TTC39C: variants seen among roughly 807,000 people sequenced by gnomAD.
The protein encoded by TTC39C is tetratricopeptide repeat protein 39C.
A neutral mutation model predicts 76.3 loss-of-function variants in TTC39C; 33 were observed. The ratio of observed to expected loss-of-function variants is 0.43; its 90% CI spans 0.33 to 0.58. The LOEUF is 0.58. TTC39C is among the 20% of genes least tolerant of loss of function. The pLI, the probability that TTC39C is intolerant of heterozygous loss-of-function variation, is 0.04. For synonymous variants in TTC39C, 254 were observed against 260.6 expected (o/e 0.97, Z 0.24); for missense variants, 595 against 701.4 (o/e 0.85, Z 1.71).
At chr18:24,069,126 T>G (rs1368942934) in intron 3 of TTC39C, 31 bp from the exon 4 acceptor site, 1 of 1,515,924 alleles carries the variant, frequency 6.6e-7, no homozygotes, top group Non-Finnish European at 9.2e-7. Context: ...ATGTGTGATT[T>G]ATCAGTGTGG....
intron 3 of TTC39C, among the ~76,000 whole-genome samples, chr18:24,067,584 G>T (rs1599292810): frequency 6.6e-6 from 1 of 152,132 alleles, no homozygotes; most frequent in Non-Finnish European, 1.5e-5. Context: ...GATCTAGGGT[G>T]CACCCTCCTT....
In TTC39C at chr18:24,117,124, G is replaced by A. The variant is rs187416800; in HGVS notation, c.1079-1001G>A. On this transcript the variant is annotated intron_variant, in intron 7 of 13. Coordinates refer to ENST00000317571, the MANE Select transcript of TTC39C (RefSeq NM_001135993.2). ...TAGGATTAGTCCTTGCTAATACAAGGACACTATTAGCCCCCTTTGCAAGGT... is the reference window on the plus strand; with the variant it reads ...TAGGATTAGTCCTTGCTAATACAAGAACACTATTAGCCCCCTTTGCAAGGT... 1.6e-3 allele frequency among the ~76,000 whole-genome samples: 242 copies of A among 152,188 alleles called. 5 individuals carry two copies. The highest frequency in any genetic ancestry group is 0.011 in the Admixed American group (174 of 15,298).
intron 1 of TTC39C, among the ~76,000 whole-genome samples, chr18:24,041,868 A>T (rs562305239): frequency 7.2e-5 from 11 of 152,278 alleles, no homozygotes; most frequent in Admixed American, 5.9e-4. Flanking sequence ...GACATTACAG[A>T]TACAGTTAAA....
chr18:24,088,064 A>T (rs2084467952), intron 6 of TTC39C, among the ~76,000 whole-genome samples: 1 of 152,138 alleles, frequency 6.6e-6, no homozygotes, highest in Non-Finnish European at 1.5e-5. Context: ...GTGGCACCTA[A>T]ATGTGTTTCT....
chr18:24,014,070 C>A (rs1389521772), upstream of TTC39C, among the ~76,000 whole-genome samples: 2 of 152,258 alleles, frequency 1.3e-5, no homozygotes, highest in Non-Finnish European at 2.9e-5. Context: ...GGGGCTCTGC[C>A]TTGCAGTCCC....
At chr18:24,132,007 A>G in intron 13 of TTC39C, 87 bp downstream of exon 13, 2 of 1,288,986 alleles carry the variant, frequency 1.6e-6, no homozygotes. Context: ...AAGTTTGTGC[A>G]ATGATGTTCT....
rs1007375058 is a variant in TTC39C, at chr18:24,133,278, T to C, written c.*704T>C. The C allele has an allele frequency of 3.3e-5, 5 of 152,234 alleles. No individual in the cohort carries two copies. The highest frequency in any genetic ancestry group is 9.6e-5 in the African/African-American group (4 of 41,466). 9.4% of individuals were successfully genotyped at this position (152,234 alleles called of 1,614,324 possible). A position where few individuals can be genotyped will look rare whatever the true frequency, so the allele number is the denominator to read the frequency against. On this transcript the variant is annotated 3_prime_UTR_variant, in exon 14 of 14. Coordinates refer to ENST00000317571, the MANE Select transcript of TTC39C (RefSeq NM_001135993.2). ...AAAGAACAAAATCTTCAGCTGAAGT[T>C]ATGTCACCAGAAATAGTCATCTCCA...
At chr18:24,110,023 G>A (rs1214726560) in intron 6 of TTC39C, among the ~76,000 whole-genome samples, 3 of 151,942 alleles carry the variant, frequency 2.0e-5, no homozygotes, top group Non-Finnish European at 4.4e-5. Flanking sequence ...AAAAAACCAC[G>A]AAATTTTAAA....
chr18:24,122,053 G>T (rs183231750), intron 8 of TTC39C, among the ~76,000 whole-genome samples: 1 of 152,114 alleles, frequency 6.6e-6, no homozygotes, highest in Non-Finnish European at 1.5e-5. Context: ...GGAACCTGCC[G>T]TCTTTCCCAT....
intron 5 of TTC39C, among the ~76,000 whole-genome samples, chr18:24,082,008 G>A (rs995491764): frequency 6.7e-6 from 1 of 150,282 alleles, no homozygotes; most frequent in Admixed American, 6.6e-5. Context: ...ATTTTTGTCT[G>A]GCTGTTGTTT....
intron 8 of TTC39C, among the ~76,000 whole-genome samples, chr18:24,121,971 G>A (rs1009701339): frequency 1.3e-5 from 2 of 152,168 alleles, no homozygotes; most frequent in South Asian, 4.1e-4. Context: ...GACCAGAGAT[G>A]CCCCAGTGAC....
At chr18:24,065,148 G>A (rs543573499) in intron 2 of TTC39C, among the ~76,000 whole-genome samples, 11 of 152,210 alleles carry the variant, frequency 7.2e-5, no homozygotes, top group Non-Finnish European at 1.6e-4. Flanking sequence ...AGCTTGAGAG[G>A]AGGGTTGGGA....
intron 1 of TTC39C, among the ~76,000 whole-genome samples, chr18:24,059,742 G>C (rs939359223): frequency 6.6e-6 from 1 of 152,126 alleles, no homozygotes; most frequent in African/African-American, 2.4e-5. Flanking sequence ...AGGATTCCTG[G>C]GTTGAATGGT....
At chr18:24,036,913 G>A (rs1267721078) in intron 1 of TTC39C, among the ~76,000 whole-genome samples, 2 of 152,160 alleles carry the variant, frequency 1.3e-5, no homozygotes, top group Non-Finnish European at 2.9e-5. Flanking sequence ...GATTACAGAC[G>A]TGAGCCACCG....
intron 3 of TTC39C, among the ~76,000 whole-genome samples, chr18:24,068,395 T>C (rs1323431297): frequency 6.6e-6 from 1 of 152,216 alleles, no homozygotes; most frequent in Non-Finnish European, 1.5e-5. Context: ...GTCTACTGTG[T>C]ATACTGTTGA....
intron 1 of TTC39C, among the ~76,000 whole-genome samples, chr18:24,047,972 T>C (rs1384808801): frequency 1.3e-5 from 2 of 152,180 alleles, no homozygotes; most frequent in Non-Finnish European, 2.9e-5. Flanking sequence ...AAAAAGTATA[T>C]GAAAGAAGGA....
rs371422939 is a variant in TTC39C, at chr18:24,004,916, G to A, written c.-17+11878G>A. On this transcript the variant is annotated intron_variant, in intron 1 of 13. Transcript: ENST00000304621. ...TGTGCTGACATTAGACTCACCTGAG[G>A]TTATTGCTAAAATGCAGATGCCTGG... 2.6e-5 allele frequency among the ~76,000 whole-genome samples: 4 copies of A among 152,202 alleles called. No individual in the cohort carries two copies. In the East Asian group the frequency reaches 5.8e-4, roughly 22 times the overall value.
chr18:23,996,893 A>T (rs975683543), intron 1 of TTC39C, among the ~76,000 whole-genome samples: 1 of 150,046 alleles, frequency 6.7e-6, no homozygotes, highest in Non-Finnish European at 1.5e-5. Context: ...GTGGATCACA[A>T]GGTCAGAAGA....
upstream of TTC39C, chr18:24,012,867 A>G: frequency 6.6e-6 from 1 of 152,284 alleles, no homozygotes. Flanking sequence ...ACACACACAC[A>G]CACACACACA....
Sources: gnomAD v4.1 joint callset for allele counts (sites outside exome capture counted in the v4.1 genomes callset) on GRCh38, gnomAD v4.1.1 for gene constraint, MANE v1.5 for transcripts, NCBI Gene and HGNC (gene_info 2026-07-23, HGNC 2026-07-21) for gene names.